The following ASAH2 variants were observed in gnomAD, a reference collection of about 807,000 sequenced individuals.
ASAH2 encodes neutral ceramidase.
A neutral mutation model predicts 82.9 loss-of-function variants in ASAH2; 58 were observed. The ratio of observed to expected loss-of-function variants is 0.70; its 90% confidence interval spans 0.57 to 0.87. The LOEUF is 0.87. Among genes scored for constraint, ASAH2 ranks in the 40% least tolerant of loss-of-function variants. The probability of loss-of-function intolerance (pLI) is 0.00; values close to 1 mark genes in which losing one functional copy is unlikely to be tolerated. For missense variants in ASAH2, 779 were observed against 834.0 expected (o/e 0.93, Z 0.81); for synonymous variants, 276 against 289.7 (o/e 0.95, Z 0.48).
Position 50,234,555 on chromosome 10 carries a change from G to A in ASAH2, c.688-3C>T. The A allele has an allele frequency of 6.2e-7, 1 of 1,612,700 alleles. No individual in the cohort carries two copies. The highest frequency in any genetic ancestry group is 1.7e-5 in the Admixed American group (1 of 59,928). On this transcript the variant is annotated splice_region_variant and splice_polypyrimidine_tract_variant and intron_variant, in intron 5 of 20. Transcript: ENST00000682911. Reference sequence around the variant, plus strand: ...TTTGTGTGTGCTATGTCAATGCTCTGAAGGTTAAAAAAGAGGGGGATGTTA... The same window carrying A: ...TTTGTGTGTGCTATGTCAATGCTCTAAAGGTTAAAAAAGAGGGGGATGTTA...
At chr10:50,198,784 G>T (rs1845061339) in intron 17 of ASAH2, among the ~76,000 whole-genome samples, 1 of 151,970 alleles carries the variant, frequency 6.6e-6, no homozygotes, top group Admixed American at 6.6e-5. Flanking sequence ...TAAAAATAGT[G>T]AGAAAATATA....
intron 7 of ASAH2, among the ~76,000 whole-genome samples, chr10:50,232,319 C>A (rs1846040535): frequency 6.6e-6 from 1 of 152,054 alleles, no homozygotes; most frequent in African/African-American, 2.4e-5. Flanking sequence ...ATGGTATGCA[C>A]AAAAATGCTT....
At chr10:50,226,297 C>A (rs972694694) in intron 7 of ASAH2, among the ~76,000 whole-genome samples, 1 of 152,008 alleles carries the variant, frequency 6.6e-6, no homozygotes, top group Non-Finnish European at 1.5e-5. Context: ...ATAGAGTTAA[C>A]AAACTGTAAA....
intron 16 of ASAH2, among the ~76,000 whole-genome samples, chr10:50,202,014 ATAGT>A (rs1417549606): frequency 6.6e-6 from 1 of 152,094 alleles, no homozygotes; most frequent in Non-Finnish European, 1.5e-5. Context: ...ATGCTTAATA[ATAGT>A]TAGAGGTAGT....
intron 4 of ASAH2, among the ~76,000 whole-genome samples, chr10:50,240,159 C>T (rs1032646401): frequency 4.4e-4 from 67 of 152,204 alleles, no homozygotes; most frequent in African/African-American, 1.5e-3. Context: ...CCCACCACCA[C>T]GTAGTCTCAC....
chr10:50,237,571 G>A (rs1589353690), intron 4 of ASAH2, among the ~76,000 whole-genome samples: 1 of 152,146 alleles, frequency 6.6e-6, no homozygotes, highest in African/African-American at 2.4e-5. Flanking sequence ...GCGATTTGTT[G>A]TACAGCAATA....
chr10:50,197,804 G>T (rs1297911004), intron 17 of ASAH2, among the ~76,000 whole-genome samples: 1 of 151,548 alleles, frequency 6.6e-6, no homozygotes, highest in Non-Finnish European at 1.5e-5. Flanking sequence ...CTATTTTCTT[G>T]GGAAGAACTA....
chr10:50,212,166 T>C (rs931395618), intron 10 of ASAH2, among the ~76,000 whole-genome samples: 11 of 148,166 alleles, frequency 7.4e-5, no homozygotes, highest in Non-Finnish European at 1.6e-4. Context: ...TTAGAACCCT[T>C]GGAATAAACT....
At chr10:50,224,799 G>C (rs1845837947) in intron 7 of ASAH2, among the ~76,000 whole-genome samples, 1 of 152,130 alleles carries the variant, frequency 6.6e-6, no homozygotes, top group African/African-American at 2.4e-5. Context: ...ACTGCAAACT[G>C]TTTGGAGAAG....
intron 9 of ASAH2, among the ~76,000 whole-genome samples, chr10:50,213,925 T>C (rs1215490392): frequency 6.6e-6 from 1 of 152,110 alleles, no homozygotes; most frequent in African/African-American, 2.4e-5. Flanking sequence ...ACAGGTGAAA[T>C]GTTCTACAAA....
At chr10:50,234,685 G>T in intron 5 of ASAH2, 133 bp from the exon 6 acceptor site, 1 of 1,282,126 alleles carries the variant, frequency 7.8e-7, no homozygotes, top group Non-Finnish European at 1.1e-6. Flanking sequence ...CGGGATAAAA[G>T]CTGGAGAACC....
At chr10:50,200,595 C>A (rs1459828767) in intron 16 of ASAH2, among the ~76,000 whole-genome samples, 6 of 152,002 alleles carry the variant, frequency 3.9e-5, no homozygotes, top group Non-Finnish European at 8.8e-5. Flanking sequence ...TTTTATAACA[C>A]CTTGTGCATG....
chr10:50,241,116 G>GAACA (rs936651479), intron 4 of ASAH2, among the ~76,000 whole-genome samples: 7 of 152,338 alleles, frequency 4.6e-5, no homozygotes, highest in African/African-American at 1.7e-4. Context: ...ACAGCCACAT[G>GAACA]AACAAACCAT....
Position 50,234,425 on chromosome 10 carries a change from C to A in ASAH2, c.815G>T (p.Arg272Met). The A allele has an allele frequency of 6.2e-7, 1 of 1,612,972 alleles. No individual in the cohort carries two copies. Among genetic ancestry groups the A allele is most frequent in the Non-Finnish European group, 8.5e-7 (1 of 1,179,176 alleles). ...YLQNPQSERA[R>M]YSSNTDKEMI... ...TTTCATTTTGACGATTCCTCCTCAC[C>A]TTGCTCTCTCTGACTGCGGATTTTG... The change falls in exon 6 of 21, where the codon AGG becomes ATG. Residue 272 changes from arginine to methionine, a missense_variant and splice_region_variant. This residue lies in a region of ASAH2 where 759 missense variants were observed against 755.2 expected (regional missense o/e 1.00). Coordinates refer to ENST00000682911, the MANE Select transcript of ASAH2 (RefSeq NM_019893.4).
In ASAH2 at chr10:50,235,823, C is replaced by T. The variant is rs912181143; in HGVS notation, c.687+65G>A. 231 of 1,545,866 alleles carry T rather than the reference C, an allele frequency of 1.5e-4. No individual in the cohort carries two copies. The African/African-American group carries it at 2.7e-3, about 18-fold the overall frequency. ...CTATAGGGATTCTTTATATCACATC[C>T]AATCACTCCTAAAATACCTGTAAGC... On this transcript the variant is annotated intron_variant, in intron 5 of 20. Transcript: ENST00000682911.
At chr10:50,200,358 T>C (rs1169907936) in intron 16 of ASAH2, among the ~76,000 whole-genome samples, 2 of 150,928 alleles carry the variant, frequency 1.3e-5, no homozygotes, top group African/African-American at 4.9e-5. Context: ...ACCATCTCCT[T>C]ACCATCACCC....
At chr10:50,211,491 G>A (rs1438502523) in intron 10 of ASAH2, among the ~76,000 whole-genome samples, 2 of 152,138 alleles carry the variant, frequency 1.3e-5, no homozygotes, top group Non-Finnish European at 2.9e-5. Flanking sequence ...GAGTGAGAGT[G>A]TATCTTTGTG....
intron 10 of ASAH2, among the ~76,000 whole-genome samples, chr10:50,212,182 A>AACACACACACAC (rs3837301): frequency 0.015 from 2,224 of 146,970 alleles, 47 homozygotes; most frequent in African/African-American, 0.04. Flanking sequence ...AAACTATTTA[A>AACACACACACAC]ACACACACAC....
chr10:50,212,182 AACACACACACACAC>A (rs3837301), intron 10 of ASAH2, among the ~76,000 whole-genome samples: 1 of 146,922 alleles, frequency 6.8e-6, no homozygotes, highest in African/African-American at 2.5e-5. Context: ...AAACTATTTA[AACACACACACACAC>A]ACACACACAC....
Sources: allele counts gnomAD v4.1 joint callset (sites outside exome capture counted in the v4.1 genomes callset), GRCh38; gene constraint gnomAD v4.1.1; regional missense constraint gnomAD v4.1.1; transcripts MANE v1.5; gene names NCBI Gene and HGNC (gene_info 2026-07-23, HGNC 2026-07-21).